NMNAT2: variants seen among roughly 807,000 people sequenced by gnomAD.
The protein encoded by NMNAT2 is nicotinamide/nicotinic acid mononucleotide adenylyltransferase 2.
NMNAT2 carries 11 observed loss-of-function variants against 41.6 expected under a neutral mutation model. That is an observed-to-expected ratio of 0.26 (90% CI 0.17 to 0.44). NMNAT2 has a LOEUF of 0.44. Among genes scored for constraint, NMNAT2 ranks in the 20% least tolerant of loss-of-function variants. NMNAT2 has a pLI of 1.00. For synonymous variants in NMNAT2, 148 were observed against 151.2 expected (o/e 0.98, Z 0.16); for missense variants, 288 against 407.7 (o/e 0.71, Z 2.53).
At chr1:183,417,337 C>A (rs1408950847) in intron 1 of NMNAT2, among the ~76,000 whole-genome samples, 2 of 152,198 alleles carry the variant, frequency 1.3e-5, no homozygotes, top group Admixed American at 6.5e-5. Context: ...TCCCCTCCCC[C>A]CAACACGCAC....
intron 1 of NMNAT2, among the ~76,000 whole-genome samples, chr1:183,387,663 T>A (rs1296777249): frequency 1.3e-5 from 2 of 152,212 alleles, no homozygotes. Flanking sequence ...ATGCCCAGCT[T>A]CTGTCTTTTT....
intron 1 of NMNAT2, among the ~76,000 whole-genome samples, chr1:183,407,070 G>A (rs778784578): frequency 1.3e-5 from 2 of 152,172 alleles, no homozygotes; most frequent in Non-Finnish European, 2.9e-5. Context: ...GCCCGCCTCA[G>A]CCTCCCAAAG....
In NMNAT2 at chr1:183,252,749, CAAG is replaced by C. The variant is rs1302784335; in HGVS notation, c.822-9_822-7del. 1 of 1,608,484 alleles carries C rather than the reference CAAG, an allele frequency of 6.2e-7. No individual in the cohort carries two copies. Among genetic ancestry groups the C allele is most frequent in the South Asian group, 1.1e-5 (1 of 90,948 alleles). ...CCCCATGCTGCAGGGCCAGCCTGCA[CAAG>C]AAGAGATGACAATCAGATGGACATC... On this transcript the variant is annotated splice_polypyrimidine_tract_variant and splice_region_variant and intron_variant, in intron 10 of 10. Transcript: ENST00000287713.
intron 8 of NMNAT2, 38 bp downstream of exon 8, chr1:183,278,515 G>A (rs1352560803): frequency 6.8e-7 from 1 of 1,466,226 alleles, no homozygotes; most frequent in African/African-American, 1.4e-5. Context: ...ATCCCTCCCA[G>A]TCCCAGCTGG....
intron 1 of NMNAT2, among the ~76,000 whole-genome samples, chr1:183,397,783 A>G (rs906205763): frequency 6.6e-6 from 1 of 152,240 alleles, no homozygotes; most frequent in African/African-American, 2.4e-5. Flanking sequence ...AGAATTTTCA[A>G]CGCAGAATTT....
intron 4 of NMNAT2, among the ~76,000 whole-genome samples, chr1:183,288,751 C>T (rs1661458649): frequency 6.6e-6 from 1 of 152,196 alleles, no homozygotes; most frequent in African/African-American, 2.4e-5. Flanking sequence ...AGTCACTGAG[C>T]TTTTAGGGAT....
chr1:183,342,307 A>G (rs1446220473), intron 1 of NMNAT2, among the ~76,000 whole-genome samples: 1 of 152,138 alleles, frequency 6.6e-6, no homozygotes, highest in South Asian at 2.1e-4. Context: ...CCTAGGCAAC[A>G]TAGCAAAACC....
At position 183,330,536 on chromosome 1, in the gene NMNAT2, AACC is replaced by A. The variant is rs570590762; in HGVS notation, c.86-36746_86-36744del. ...CCAGGGAGCCTCCCTGTTCTTCCTCAACCATGCCTTCACTAGGTGAGAACATTG... is the reference window on the plus strand; with the variant it reads ...CCAGGGAGCCTCCCTGTTCTTCCTCAATGCCTTCACTAGGTGAGAACATTG... On this transcript the variant is annotated intron_variant, in intron 1 of 10. Coordinates refer to ENST00000287713, the MANE Select transcript of NMNAT2 (RefSeq NM_015039.4). Among the ~76,000 whole-genome samples, 60 of 152,186 alleles carry A rather than the reference AACC, an allele frequency of 3.9e-4. 2 individuals are homozygous for A. The East Asian group carries it at 0.011, about 28-fold the overall frequency.
At chr1:183,353,153 C>A (rs891644098) in intron 1 of NMNAT2, among the ~76,000 whole-genome samples, 19 of 152,142 alleles carry the variant, frequency 1.2e-4, no homozygotes, top group Admixed American at 2.0e-4. Context: ...ATTACAGGTG[C>A]CTGCCATCGT....
At chr1:183,370,185 A>T (rs982368735) in intron 1 of NMNAT2, among the ~76,000 whole-genome samples, 4 of 149,602 alleles carry the variant, frequency 2.7e-5, no homozygotes, top group African/African-American at 9.9e-5. Context: ...TGCTCTGTTT[A>T]TCCACTCCTA....
intron 8 of NMNAT2, among the ~76,000 whole-genome samples, chr1:183,271,413 T>C (rs1261112194): frequency 6.6e-6 from 1 of 152,152 alleles, no homozygotes; most frequent in African/African-American, 2.4e-5. Context: ...CTGCTCACAA[T>C]TCAAAGCCCA....
At chr1:183,411,323 AT>A (rs932501864) in intron 1 of NMNAT2, among the ~76,000 whole-genome samples, 11 of 151,528 alleles carry the variant, frequency 7.3e-5, no homozygotes, top group Middle Eastern at 3.4e-3. Flanking sequence ...TTCAATAAAC[AT>A]TTTTTTTTAA....
chr1:183,341,736 A>AAAAAAAAAAAAAAAAAG (rs1662816438), intron 1 of NMNAT2, among the ~76,000 whole-genome samples: 1 of 138,134 alleles, frequency 7.2e-6, no homozygotes. Context: ...AAAAAAAAAA[A>AAAAAAAAAAAAAAAAAG]AAAAAAAAAA....
intron 3 of NMNAT2, among the ~76,000 whole-genome samples, chr1:183,292,242 C>T (rs1024547806): frequency 9.9e-5 from 15 of 152,222 alleles, no homozygotes; most frequent in Non-Finnish European, 1.9e-4. Context: ...GGTGGAGGTG[C>T]CTTCCTAGCA....
intron 8 of NMNAT2, among the ~76,000 whole-genome samples, chr1:183,278,099 A>G (rs1327941188): frequency 1.3e-5 from 2 of 152,224 alleles, no homozygotes; most frequent in African/African-American, 4.8e-5. Context: ...TCAATTGCCA[A>G]GGATCCTGCT....
At chr1:183,290,353 A>G in intron 3 of NMNAT2, 147 bp from the exon 4 acceptor site, 1 of 607,970 alleles carries the variant, frequency 1.6e-6, no homozygotes, top group Non-Finnish European at 2.9e-6. Context: ...CCTGGGTGTG[A>G]AACACTCTTC....
At position 183,394,294 on chromosome 1, in the gene NMNAT2, C is replaced by T. The variant is rs1472932511; in HGVS notation, c.85+23889G>A. Among the ~76,000 whole-genome samples, 8 of 152,046 alleles carry T rather than the reference C, an allele frequency of 5.3e-5. No homozygotes were observed. The South Asian group carries it at 6.2e-4, about 12-fold the overall frequency. ...GATAATAAAGCAAAACAAAGCAGAGCCTAGTCAAGAGTTTCAGAAGATAGT... is the reference window on the plus strand; with the variant it reads ...GATAATAAAGCAAAACAAAGCAGAGTCTAGTCAAGAGTTTCAGAAGATAGT... On this transcript the variant is annotated intron_variant, in intron 1 of 10. Coordinates refer to ENST00000287713, the MANE Select transcript of NMNAT2 (RefSeq NM_015039.4).
chr1:183,355,977 T>C (rs1663175998), intron 1 of NMNAT2, among the ~76,000 whole-genome samples: 1 of 152,174 alleles, frequency 6.6e-6, no homozygotes, highest in Admixed American at 6.5e-5. Context: ...TGCCTCCTGC[T>C]CAAAAGCCAG....
intron 1 of NMNAT2, among the ~76,000 whole-genome samples, chr1:183,296,401 T>C (rs1661698240): frequency 6.6e-6 from 1 of 152,250 alleles, no homozygotes; most frequent in African/African-American, 2.4e-5. Context: ...CCAAAGTGGT[T>C]GTGCCATTTT....
Sources: allele counts gnomAD v4.1 joint callset (sites outside exome capture counted in the v4.1 genomes callset), GRCh38; gene constraint gnomAD v4.1.1; transcripts MANE v1.5; gene names NCBI Gene and HGNC (gene_info 2026-07-23, HGNC 2026-07-21).